CFAP77: variants seen among roughly 807,000 people sequenced by gnomAD.
CFAP77 encodes the protein cilia and flagella associated protein 77.
Under a neutral mutation model 31.1 loss-of-function variants are expected in CFAP77, and 25 were observed. That is an observed-to-expected ratio of 0.80 (90% CI 0.59 to 1.12). The LOEUF (loss-of-function observed/expected upper bound fraction) is 1.12, where lower values mean the gene tolerates loss of function less well. Ranked by LOEUF, CFAP77 falls within the 50% of genes most tolerant of loss-of-function variation. CFAP77 has a pLI of 0.00. For missense variants in CFAP77, 377 were observed against 397.3 expected (o/e 0.95, Z 0.44); for synonymous variants, 151 against 159.9 (o/e 0.94, Z 0.42).
At chr9:132,543,148 C>T in intron 5 of CFAP77, 101 bp downstream of exon 5, 1 of 909,118 alleles carries the variant, frequency 1.1e-6, no homozygotes, top group Admixed American at 1.9e-5. Flanking sequence ...GGGCTTCTCA[C>T]CATCGATTAG....
intron 1 of CFAP77, among the ~76,000 whole-genome samples, chr9:132,485,939 C>T (rs1851532228): frequency 7.2e-6 from 1 of 139,054 alleles, no homozygotes; most frequent in South Asian, 2.3e-4. Context: ...GTGTCATTCA[C>T]TGAGCTGGTG....
chr9:132,482,221 T>G (rs2118907479), intron 1 of CFAP77: 1 of 756,384 alleles, frequency 1.3e-6, no homozygotes, highest in Non-Finnish European at 2.2e-6. Context: ...AGCCTTTTTC[T>G]TAAATCTGCT....
chr9:132,480,684 C>T lies in CFAP77; in HGVS notation c.196-18011C>T, dbSNP rs753265184. ...GACATCCTGTGGCTGGGGTTTCTCA[C>T]GGAGGCTACAGAGTCCGGGGGCTTC... is the stretch of plus-strand genomic sequence containing the variant. On this transcript the variant is annotated intron_variant, in intron 1 of 5. Transcript: ENST00000393216. The surrounding 1 kb of genome is among the most constrained non-coding windows in gnomAD (Gnocchi z 5.8). 6.6e-6 allele frequency among the ~76,000 whole-genome samples: 1 copy of T among 152,286 alleles called. No homozygotes were observed. The highest frequency in any genetic ancestry group is 1.9e-4 in the East Asian group (1 of 5,168).
At chr9:132,429,409 G>C (rs1850367430) in intron 1 of CFAP77, among the ~76,000 whole-genome samples, 1 of 151,636 alleles carries the variant, frequency 6.6e-6, no homozygotes, top group African/African-American at 2.4e-5. Context: ...GGTGGTGGCG[G>C]TTCCTGTAGT....
intron 1 of CFAP77, among the ~76,000 whole-genome samples, chr9:132,484,582 C>T (rs141818146): frequency 1.0e-3 from 158 of 152,300 alleles, no homozygotes; most frequent in East Asian, 5.6e-3. Flanking sequence ...TTCCCGGTTA[C>T]GGCTGAATAA....
chr9:132,425,534 T>C (rs1850298798), intron 1 of CFAP77, among the ~76,000 whole-genome samples: 1 of 152,176 alleles, frequency 6.6e-6, no homozygotes, highest in Non-Finnish European at 1.5e-5. Context: ...AGAAGCGTGA[T>C]GCCTTTGGGG....
rs1480160706 is a variant in CFAP77, at chr9:132,481,635, CG to C, written c.196-17059del. Reference sequence around the variant, plus strand: ...AATCATAAAGCAACCCCAGAGGCTGCGAAGAGGAGGGGGTGGGAGGACCCTG... The same window carrying C: ...AATCATAAAGCAACCCCAGAGGCTGCAAGAGGAGGGGGTGGGAGGACCCTG... On this transcript the variant is annotated intron_variant, in intron 1 of 5. Transcript: ENST00000393216. The surrounding 1 kb of genome is among the most constrained non-coding windows in gnomAD (Gnocchi z 5.0). Among the ~76,000 whole-genome samples the C allele has an allele frequency of 6.6e-6, 1 of 152,142 alleles. No individual in the cohort carries two copies. The highest frequency in any genetic ancestry group is 1.5e-5 in the Non-Finnish European group (1 of 68,030).
At chr9:132,460,366 C>T (rs568706217) in intron 1 of CFAP77, among the ~76,000 whole-genome samples, 47 of 152,254 alleles carry the variant, frequency 3.1e-4, no homozygotes, top group Non-Finnish European at 4.4e-4. Flanking sequence ...AATGTTTGAA[C>T]GTCCATCAGC....
At chr9:132,447,538 G>A (rs573732173) in intron 1 of CFAP77, among the ~76,000 whole-genome samples, 12 of 152,306 alleles carry the variant, frequency 7.9e-5, no homozygotes, top group Non-Finnish European at 1.3e-4. Flanking sequence ...CCAGGAGCGC[G>A]TGGCCTTTTC....
rs1851419761 is a variant in CFAP77, at chr9:132,480,067, G to A, written c.196-18628G>A. Among the ~76,000 whole-genome samples the A allele has an allele frequency of 6.6e-6, 1 of 152,154 alleles. No individual in the cohort carries two copies. On this transcript the variant is annotated intron_variant, in intron 1 of 5. Coordinates refer to ENST00000393216, the MANE Select transcript of CFAP77 (RefSeq NM_001282957.2). This position sits in a 1 kb window ranked among gnomAD's most constrained non-coding sequence, Gnocchi z 5.8. Reference sequence around the variant, plus strand: ...AGGAAATGGCAGAGCTGGTGGGGGGGACCCTGAAAATCAACCGGCTCAGCC... The same window carrying A: ...AGGAAATGGCAGAGCTGGTGGGGGGAACCCTGAAAATCAACCGGCTCAGCC...
intron 1 of CFAP77, among the ~76,000 whole-genome samples, chr9:132,477,958 A>G (rs540065607): frequency 6.6e-6 from 1 of 152,188 alleles, no homozygotes; most frequent in Non-Finnish European, 1.5e-5. Flanking sequence ...AGAAGATGAG[A>G]AAGTCCAAAT....
chr9:132,544,721 C>A (rs1161723721), intron 5 of CFAP77, among the ~76,000 whole-genome samples: 1 of 152,110 alleles, frequency 6.6e-6, no homozygotes, highest in Non-Finnish European at 1.5e-5. Context: ...GTCTCAAACT[C>A]TTGGCCTTAA....
rs974294260 is a variant in CFAP77 at position 132,455,018 on chromosome 9, A to G, written c.196-43677A>G. 6.6e-6 allele frequency among the ~76,000 whole-genome samples: 1 copy of G among 152,210 alleles called. No individual in the cohort carries two copies. Among genetic ancestry groups the G allele is most frequent in the African/African-American group, 2.4e-5 (1 of 41,458 alleles). On this transcript the variant is annotated intron_variant, in intron 1 of 5. Coordinates refer to ENST00000393216, the MANE Select transcript of CFAP77 (RefSeq NM_001282957.2). The surrounding 1 kb of genome is among the most constrained non-coding windows in gnomAD (Gnocchi z 4.1). ...AATGTCATAACATCCTACAAAAAAA[A>G]AGAAAGAAAAGGCAATAAATTAGCC...
chr9:132,487,386 A>G (rs529386742), intron 1 of CFAP77, among the ~76,000 whole-genome samples: 3 of 152,268 alleles, frequency 2.0e-5, no homozygotes, highest in Admixed American at 2.0e-4. Flanking sequence ...CCCCATGATA[A>G]ACCAGAGCAG....
intron 1 of CFAP77, among the ~76,000 whole-genome samples, chr9:132,485,003 C>T (rs138758642): frequency 8.9e-4 from 136 of 152,234 alleles, no homozygotes; most frequent in African/African-American, 3.2e-3. Context: ...CATGCGCCAG[C>T]AAGCCCAGCT....
At chr9:132,531,527 G>A (rs952183165) in intron 3 of CFAP77, among the ~76,000 whole-genome samples, 1 of 151,776 alleles carries the variant, frequency 6.6e-6, no homozygotes, top group Non-Finnish European at 1.5e-5. Context: ...GACGAGGTGG[G>A]GGATGGCATG....
At chr9:132,432,544 T>C (rs1214415857) in intron 1 of CFAP77, among the ~76,000 whole-genome samples, 1 of 151,886 alleles carries the variant, frequency 6.6e-6, no homozygotes, top group East Asian at 1.9e-4. Context: ...TTTTTTTTTT[T>C]TTTTTTAAGA....
chr9:132,428,521 A>T lies in CFAP77; in HGVS notation c.195+18055A>T, dbSNP rs560852450. Among the ~76,000 whole-genome samples, 12 of 152,314 alleles carry T rather than the reference A, an allele frequency of 7.9e-5. 1 individual carries two copies. Among genetic ancestry groups the T allele is most frequent in the Middle Eastern group, 3.4e-3 (1 of 294 alleles). On this transcript the variant is annotated intron_variant, in intron 1 of 5. Coordinates refer to ENST00000393216, the MANE Select transcript of CFAP77 (RefSeq NM_001282957.2). ...TCCCAGTTACTTGGGAGGCTGAGAC[A>T]GGAGAATCACTTGAACCCGGGAGGC...
chr9:132,550,017 T>C (rs1324283287), intron 5 of CFAP77, among the ~76,000 whole-genome samples: 2 of 152,098 alleles, frequency 1.3e-5, no homozygotes, highest in Non-Finnish European at 2.9e-5. Context: ...GAGGTGTTCA[T>C]GTATGTGGGG....
Sources: gnomAD v4.1 joint callset for allele counts (sites outside exome capture counted in the v4.1 genomes callset) on GRCh38, gnomAD v4.1.1 for gene constraint, Gnocchi (gnomAD v3.1) non-coding constraint, MANE v1.5 for transcripts, NCBI Gene and HGNC (gene_info 2026-07-23, HGNC 2026-07-21) for gene names.